CADM1: variants seen among roughly 807,000 people sequenced by gnomAD.
CADM1 encodes the protein cell adhesion molecule 1, also known as TSLC-1.
A neutral mutation model predicts 53.1 loss-of-function variants in CADM1; 15 were observed. The observed-to-expected ratio is 0.28, with a 90% CI of 0.19 to 0.44. The LOEUF (loss-of-function observed/expected upper bound fraction) is 0.44, where lower values mean the gene tolerates loss of function less well. CADM1 is among the 20% of genes least tolerant of loss of function. The pLI, the probability that CADM1 is intolerant of heterozygous loss-of-function variation, is 1.00. For missense variants in CADM1, 434 were observed against 611.3 expected, an observed-to-expected ratio of 0.71 and a Z score of 3.06; for synonymous variants, 281 against 243.0, an observed-to-expected ratio of 1.16 and a Z score of -1.45.
chr11:115,262,367 C>A (rs193003835), intron 1 of CADM1, among the ~76,000 whole-genome samples: 1 of 152,118 alleles, frequency 6.6e-6, no homozygotes, highest in African/African-American at 2.4e-5. Context: ...TAAGTATGTT[C>A]GTCCCATAGA....
intron 1 of CADM1, among the ~76,000 whole-genome samples, chr11:115,442,449 C>T (rs925954043): frequency 2.6e-5 from 4 of 152,036 alleles, no homozygotes; most frequent in Non-Finnish European, 4.4e-5. Context: ...ATGTCACAAG[C>T]GAATAGACAG....
At chr11:115,396,393 A>G (rs533282070) in intron 1 of CADM1, among the ~76,000 whole-genome samples, 1 of 152,078 alleles carries the variant, frequency 6.6e-6, no homozygotes, top group East Asian at 1.9e-4. Context: ...AATCTTGACC[A>G]CTCTTCAGAG....
At chr11:115,327,277 G>A (rs72996052) in intron 1 of CADM1, among the ~76,000 whole-genome samples, 6 of 151,830 alleles carry the variant, frequency 4.0e-5, no homozygotes, top group Non-Finnish European at 5.9e-5. Context: ...CAGGAATTTC[G>A]ACCCAAGCCT....
intron 1 of CADM1, among the ~76,000 whole-genome samples, chr11:115,311,725 C>T (rs888767058): frequency 2.6e-5 from 4 of 152,114 alleles, no homozygotes; most frequent in African/African-American, 9.7e-5. Context: ...AAGTCAGAGA[C>T]ACCTCAGTGA....
In CADM1 at chr11:115,169,246, CT is replaced by C. The variant is rs1377495098; in HGVS notation, c.*7227del. 1.0e-4 allele frequency: 10 copies of C among 95,486 alleles called. No individual in the cohort carries two copies. Among genetic ancestry groups the C allele is most frequent in the Admixed American group, 4.5e-4 (3 of 6,636 alleles). 5.9% of individuals were successfully genotyped at this position (95,486 alleles called of 1,614,324 possible). Reference sequence around the variant, plus strand: ...TTTTTTTTTTTTTTTAAGGCATAGCCTTTGTAACTGAAGCCAGATAGAGAGA... The same window carrying C: ...TTTTTTTTTTTTTTTAAGGCATAGCCTTGTAACTGAAGCCAGATAGAGAGA... On this transcript the variant is annotated 3_prime_UTR_variant, in exon 12 of 12. Transcript: ENST00000331581.
At chr11:115,264,404 C>T (rs1157352907) in intron 1 of CADM1, among the ~76,000 whole-genome samples, 1 of 152,216 alleles carries the variant, frequency 6.6e-6, no homozygotes, top group Non-Finnish European at 1.5e-5. Context: ...TGTTTCCTTT[C>T]TGTGGGCTAA....
At chr11:115,325,035 G>A (rs193301402) in intron 1 of CADM1, among the ~76,000 whole-genome samples, 5 of 152,274 alleles carry the variant, frequency 3.3e-5, no homozygotes, top group East Asian at 1.9e-4. Flanking sequence ...TGCCTATCAC[G>A]TAAATGGAAG....
rs576888198 is a variant in CADM1 at position 115,232,013 on chromosome 11, T to TAATAATAAC, written c.425-524_425-523insGTTATTATT. Among the ~76,000 whole-genome samples the TAATAATAAC allele has an allele frequency of 3.4e-5, 5 of 146,972 alleles. 1 individual carries two copies. Among genetic ancestry groups the TAATAATAAC allele is most frequent in the African/African-American group, 1.2e-4 (5 of 40,380 alleles). On this transcript the variant is annotated intron_variant, in intron 3 of 11. Transcript: ENST00000331581. The stretch of plus-strand genomic sequence containing the variant: ...ATAATAATAATAATAATAATAATAA[T>TAATAATAAC]AACAACAACAACAACAACAACCAAT...
chr11:115,431,233 C>T (rs10488707), intron 1 of CADM1, among the ~76,000 whole-genome samples: 18,077 of 152,168 alleles, frequency 0.12, 1,430 homozygotes, highest in Non-Finnish European at 0.17. Context: ...TATTTAATGT[C>T]GGTATGTCAT....
intron 1 of CADM1, among the ~76,000 whole-genome samples, chr11:115,458,624 GA>G (rs1178966725): frequency 6.6e-6 from 1 of 151,650 alleles, no homozygotes; most frequent in African/African-American, 2.4e-5. Context: ...TATATAAGGG[GA>G]GAGTGTTTTC....
intron 1 of CADM1, among the ~76,000 whole-genome samples, chr11:115,437,321 G>T (rs776578263): frequency 1.3e-5 from 2 of 152,040 alleles, no homozygotes; most frequent in Non-Finnish European, 2.9e-5. Context: ...CCTGTTTTAA[G>T]GAGAAAACGG....
intron 1 of CADM1, among the ~76,000 whole-genome samples, chr11:115,340,818 C>T (rs1429584519): frequency 6.7e-6 from 1 of 150,176 alleles, no homozygotes; most frequent in Non-Finnish European, 1.5e-5. Flanking sequence ...GTGCCATCAC[C>T]CCCAGCTAAT....
intron 1 of CADM1, among the ~76,000 whole-genome samples, chr11:115,254,593 C>CAGAG (rs780838513): frequency 3.5e-4 from 48 of 136,282 alleles, no homozygotes; most frequent in African/African-American, 1.4e-3. Flanking sequence ...CACACACACA[C>CAGAG]AGAGACAACA....
At chr11:115,390,805 A>C in intron 1 of CADM1, among the ~76,000 whole-genome samples, 1 of 152,194 alleles carries the variant, frequency 6.6e-6, no homozygotes, top group East Asian at 1.9e-4. Context: ...ATTTGTGAGC[A>C]TTTAATTGTA....
At chr11:115,476,033 T>C (rs1050398632) in intron 1 of CADM1, among the ~76,000 whole-genome samples, 7 of 152,134 alleles carry the variant, frequency 4.6e-5, no homozygotes, top group African/African-American at 1.7e-4. Context: ...CTCAATGAAA[T>C]GATGAATGTA....
At chr11:115,349,534 C>T (rs893916507) in intron 1 of CADM1, among the ~76,000 whole-genome samples, 5 of 152,124 alleles carry the variant, frequency 3.3e-5, no homozygotes, top group African/African-American at 4.8e-5. Flanking sequence ...CCTCAGCTGA[C>T]TAATGCACAA....
At chr11:115,328,689 T>TGTGTGTATATATGTATATACATATATAC (rs1945032054) in intron 1 of CADM1, among the ~76,000 whole-genome samples, 1 of 23,958 alleles carries the variant, frequency 4.2e-5, no homozygotes, top group Admixed American at 7.4e-4. Context: ...TGTATATATA[T>TGTGTGTATATATGTATATACATATATAC]GTGTATATAT....
At chr11:115,378,995 G>C (rs896776864) in intron 1 of CADM1, among the ~76,000 whole-genome samples, 2 of 152,190 alleles carry the variant, frequency 1.3e-5, no homozygotes, top group Admixed American at 1.3e-4. Flanking sequence ...GTAATTTAAA[G>C]AGGTTCCCAA....
At chr11:115,281,443 C>T (rs949906730) in intron 1 of CADM1, among the ~76,000 whole-genome samples, 8 of 152,118 alleles carry the variant, frequency 5.3e-5, no homozygotes, top group African/African-American at 1.2e-4. Context: ...ATTTTTAAAA[C>T]GGGGGCAAAG....
Sources: gnomAD v4.1 joint callset for allele counts (sites outside exome capture counted in the v4.1 genomes callset) on GRCh38, gnomAD v4.1.1 for gene constraint, MANE v1.5 for transcripts, NCBI Gene and HGNC (gene_info 2026-07-23, HGNC 2026-07-21) for gene names.